Variants in NSMCE2 observed in about 807,000 individuals in gnomAD.
NSMCE2 encodes NSE2 SUMO ligase component of SMC5/6 complex, also known as E3 SUMO-protein ligase NSE2.
A neutral mutation model predicts 23.8 loss-of-function variants in NSMCE2; 24 were observed. The observed-to-expected ratio is 1.01, with a 90% CI of 0.73 to 1.42. The LOEUF is 1.42. Ranked by LOEUF, NSMCE2 falls within the 40% of genes most tolerant of loss-of-function variation. The pLI is 0.00. For synonymous variants in NSMCE2, 92 were observed against 94.1 expected (o/e 0.98, Z 0.13); for missense variants, 284 against 296.5 (o/e 0.96, Z 0.31).
chr8:125,301,787 C>T (rs1475433745), intron 5 of NSMCE2, among the ~76,000 whole-genome samples: 3 of 151,880 alleles, frequency 2.0e-5, no homozygotes, highest in Admixed American at 1.3e-4. Context: ...CGCAGCCTCC[C>T]GAGTAGCTGG....
At position 125,161,725 on chromosome 8, in the gene NSMCE2, A is replaced by AAGCAG. The variant is rs71576771; in HGVS notation, c.264+10448_264+10449insAGCAG. On this transcript the variant is annotated intron_variant, in intron 4 of 7. Transcript: ENST00000287437. ...GACATGAGAATCGCTTGAACCCAGGAGGGTTGCAGTGAGCCAAGATTGCAC... is the reference window on the plus strand; with the variant it reads ...GACATGAGAATCGCTTGAACCCAGGAAGCAGGGGTTGCAGTGAGCCAAGATTGCAC... Among the ~76,000 whole-genome samples, 5 of 150,126 alleles carry AAGCAG rather than the reference A, an allele frequency of 3.3e-5. No homozygotes were observed. In the East Asian group the frequency reaches 7.9e-4, roughly 24 times the overall value.
intron 5 of NSMCE2, among the ~76,000 whole-genome samples, chr8:125,350,807 G>C (rs986946919): frequency 2.0e-5 from 3 of 152,144 alleles, no homozygotes; most frequent in African/African-American, 7.2e-5. Context: ...GATGAGATTT[G>C]GGTGGGGACA....
At chr8:125,120,558 GTAAAC>G (rs1246783508) in intron 3 of NSMCE2, among the ~76,000 whole-genome samples, 1 of 152,214 alleles carries the variant, frequency 6.6e-6, no homozygotes, top group Non-Finnish European at 1.5e-5. Context: ...GGCTGATGTG[GTAAAC>G]TAGTTTCTTA....
intron 5 of NSMCE2, among the ~76,000 whole-genome samples, chr8:125,256,517 T>G (rs1826423237): frequency 6.6e-6 from 1 of 152,030 alleles, no homozygotes; most frequent in Non-Finnish European, 1.5e-5. Flanking sequence ...GAAATACATG[T>G]CAAAAATTAA....
At chr8:125,137,607 G>T (rs1430226219) in intron 3 of NSMCE2, among the ~76,000 whole-genome samples, 2 of 152,140 alleles carry the variant, frequency 1.3e-5, no homozygotes, top group Non-Finnish European at 2.9e-5. Context: ...CTCTGGCACA[G>T]TAGGCATGTT....
intron 5 of NSMCE2, among the ~76,000 whole-genome samples, chr8:125,349,474 CA>C (rs1812938356): frequency 6.6e-6 from 1 of 151,846 alleles, no homozygotes; most frequent in Non-Finnish European, 1.5e-5. Context: ...TTAGGCCAGG[CA>C]TGGTGACTAA....
chr8:125,351,917 G>A (rs1813053617), intron 5 of NSMCE2, among the ~76,000 whole-genome samples: 2 of 152,074 alleles, frequency 1.3e-5, no homozygotes, highest in African/African-American at 2.4e-5. Context: ...GGAGACTGAG[G>A]CACGAGAATC....
intron 3 of NSMCE2, among the ~76,000 whole-genome samples, chr8:125,120,785 C>G (rs1433239428): frequency 6.6e-6 from 1 of 152,170 alleles, no homozygotes; most frequent in Non-Finnish European, 1.5e-5. Flanking sequence ...GGGGCAAGCT[C>G]CAAACAGATG....
intron 3 of NSMCE2, among the ~76,000 whole-genome samples, chr8:125,116,008 A>G (rs1322930720): frequency 6.6e-6 from 1 of 152,206 alleles, no homozygotes; most frequent in African/African-American, 2.4e-5. Context: ...CAAGTTGCAA[A>G]TTGGGAATTT....
intron 5 of NSMCE2, among the ~76,000 whole-genome samples, chr8:125,282,571 G>A (rs1827736634): frequency 6.6e-6 from 1 of 152,192 alleles, no homozygotes; most frequent in South Asian, 2.1e-4. Flanking sequence ...TTGTCCTTTT[G>A]GCTTGGGGCT....
intron 7 of NSMCE2, among the ~76,000 whole-genome samples, chr8:125,364,449 G>GGTTT: frequency 6.6e-6 from 1 of 152,206 alleles, no homozygotes; most frequent in East Asian, 1.9e-4. Flanking sequence ...TCTTTACTGT[G>GGTTT]GTTTGCACAT....
chr8:125,238,021 A>G (rs1187586973), intron 5 of NSMCE2, among the ~76,000 whole-genome samples: 1 of 152,134 alleles, frequency 6.6e-6, no homozygotes, highest in Non-Finnish European at 1.5e-5. Flanking sequence ...GAGAATATAT[A>G]TTGTAGATGC....
chr8:125,092,095 AG>A (rs1195102670), intron 1 of NSMCE2, 137 bp downstream of exon 1: 2 of 152,202 alleles, frequency 1.3e-5, no homozygotes, highest in East Asian at 3.9e-4. Flanking sequence ...CACGGTAGTG[AG>A]TCTGGGACAG....
intron 5 of NSMCE2, among the ~76,000 whole-genome samples, chr8:125,193,690 A>C (rs1010623772): frequency 1.1e-4 from 16 of 152,234 alleles, no homozygotes; most frequent in Non-Finnish European, 2.4e-4. Context: ...AAAAGAGGTA[A>C]GTGTTGTAAA....
rs1049343257 is a variant in NSMCE2 at position 125,103,812 on chromosome 8, A to G, written c.157+1325A>G. Among the ~76,000 whole-genome samples the G allele has an allele frequency of 5.9e-5, 9 of 151,832 alleles. No individual in the cohort carries two copies. In the South Asian group the frequency reaches 1.5e-3, roughly 25 times the overall value. On this transcript the variant is annotated intron_variant, in intron 3 of 7. Transcript: ENST00000287437. ...TGTATTTTTAATTGTTGAAGACATA[A>G]CAAAGAATTAAGTAGAATCTTTTTT...
chr8:125,356,326 G>GTTTTTTTTTTTT (rs747884264), intron 5 of NSMCE2, among the ~76,000 whole-genome samples: 10 of 105,436 alleles, frequency 9.5e-5, no homozygotes, highest in East Asian at 3.0e-4. Flanking sequence ...TAATTTTTTG[G>GTTTTTTTTTTTT]TTTTTTTTTT....
intron 5 of NSMCE2, among the ~76,000 whole-genome samples, chr8:125,215,196 C>T (rs1485980661): frequency 6.9e-6 from 1 of 144,920 alleles, no homozygotes; most frequent in Admixed American, 6.9e-5. Flanking sequence ...CCCCCCTCCC[C>T]CTACCCCACA....
Position 125,256,829 on chromosome 8 carries a change from G to C in NSMCE2, c.418+74573G>C, listed in dbSNP as rs189506914. On this transcript the variant is annotated intron_variant, in intron 5 of 7. Transcript: ENST00000287437. ...AGTCCCAGCTACTAGGGGAGGCTGA[G>C]GCAGGCGAATTGCTTGAACCTGGGA... Among the ~76,000 whole-genome samples, 25 of 149,920 alleles carry C rather than the reference G, an allele frequency of 1.7e-4. No individual in the cohort carries two copies. The East Asian group carries it at 2.4e-3, about 14-fold the overall frequency.
At chr8:125,133,516 A>AT (rs892230713) in intron 3 of NSMCE2, among the ~76,000 whole-genome samples, 26 of 152,126 alleles carry the variant, frequency 1.7e-4, no homozygotes, top group African/African-American at 6.3e-4. Flanking sequence ...AAGGCAGGTG[A>AT]TTCACTTGAG....
Sources: gnomAD v4.1 joint callset for allele counts (sites outside exome capture counted in the v4.1 genomes callset) on GRCh38, gnomAD v4.1.1 for gene constraint, MANE v1.5 for transcripts, NCBI Gene and HGNC (gene_info 2026-07-23, HGNC 2026-07-21) for gene names.